Variants in ELMO1 observed in about 807,000 individuals in gnomAD.
The protein encoded by ELMO1 is engulfment and cell motility protein 1.
Under a neutral mutation model 98.9 loss-of-function variants are expected in ELMO1, and 26 were observed. The ratio of observed to expected loss-of-function variants is 0.26; its 90% CI spans 0.19 to 0.36. ELMO1 has a LOEUF of 0.36. Among genes scored for constraint, ELMO1 ranks in the 10% least tolerant of loss-of-function variants. ELMO1 has a pLI of 1.00. For missense variants in ELMO1, 627 were observed against 935.2 expected (o/e 0.67, Z 4.30); for synonymous variants, 346 against 346.0 (o/e 1.00, Z 0.00).
intron 1 of ELMO1, among the ~76,000 whole-genome samples, chr7:37,388,726 C>G (rs1051095257): frequency 6.6e-6 from 1 of 151,964 alleles, no homozygotes; most frequent in African/African-American, 2.4e-5. Context: ...TCTCTTGAGC[C>G]CAGGAGATAG....
At chr7:37,330,826 C>G (rs1583564304) in intron 2 of ELMO1, among the ~76,000 whole-genome samples, 1 of 152,234 alleles carries the variant, frequency 6.6e-6, no homozygotes, top group East Asian at 1.9e-4. Flanking sequence ...TTGGGTATAT[C>G]TGAAATGCCA....
intron 16 of ELMO1, among the ~76,000 whole-genome samples, chr7:36,928,124 A>C (rs1328435009): frequency 6.6e-6 from 1 of 152,234 alleles, no homozygotes. Context: ...TTTATTTGCC[A>C]CTTGTTAACC....
At chr7:37,313,221 C>T (rs539570932) in intron 4 of ELMO1, among the ~76,000 whole-genome samples, 1 of 110,558 alleles carries the variant, frequency 9.0e-6, no homozygotes, top group Non-Finnish European at 2.0e-5. Flanking sequence ...TAACTCCCAG[C>T]TTTGTTTTTT....
intron 16 of ELMO1, among the ~76,000 whole-genome samples, chr7:36,910,611 T>A (rs539094911): frequency 1.3e-5 from 2 of 152,202 alleles, no homozygotes; most frequent in African/African-American, 2.4e-5. Context: ...TTGCCATCTG[T>A]GTGTCCTTGG....
At chr7:37,010,550 C>T (rs1190344223) in intron 16 of ELMO1, among the ~76,000 whole-genome samples, 2 of 152,192 alleles carry the variant, frequency 1.3e-5, no homozygotes, top group African/African-American at 4.8e-5. Context: ...GCTGTCTTTG[C>T]TGGCTTTGAA....
chr7:37,029,132 G>T (rs1794742889), intron 15 of ELMO1, among the ~76,000 whole-genome samples: 1 of 152,126 alleles, frequency 6.6e-6, no homozygotes, highest in Non-Finnish European at 1.5e-5. Flanking sequence ...GCTTTCAGAG[G>T]TTGTGATCTT....
intron 1 of ELMO1, among the ~76,000 whole-genome samples, chr7:37,371,730 T>C (rs1802122398): frequency 6.6e-6 from 1 of 152,208 alleles, no homozygotes; most frequent in African/African-American, 2.4e-5. Context: ...TAGCACAAGA[T>C]AACAGCAGAC....
chr7:37,338,822 A>G (rs1032578128), intron 2 of ELMO1, among the ~76,000 whole-genome samples: 1 of 152,212 alleles, frequency 6.6e-6, no homozygotes, highest in Admixed American at 6.5e-5. Flanking sequence ...CAGTGAGTTG[A>G]TAATTCTTTT....
chr7:37,158,740 G>A (rs1317235043), intron 13 of ELMO1, among the ~76,000 whole-genome samples: 2 of 152,346 alleles, frequency 1.3e-5, no homozygotes, highest in East Asian at 3.9e-4. Flanking sequence ...GTGGAAGACA[G>A]TGTGGCGATT....
chr7:36,999,261 T>C (rs1466463430), intron 16 of ELMO1, among the ~76,000 whole-genome samples: 2 of 152,158 alleles, frequency 1.3e-5, no homozygotes, highest in Non-Finnish European at 2.9e-5. Context: ...ATTTCCCTCA[T>C]GGGAATGGCC....
intron 16 of ELMO1, among the ~76,000 whole-genome samples, chr7:36,957,448 C>T: frequency 6.6e-6 from 1 of 152,064 alleles, no homozygotes; most frequent in Non-Finnish European, 1.5e-5. Context: ...GGTCATGCCA[C>T]AATTCATTGA....
chr7:37,434,116 AAGAAAATCCCCCCAGTATTGGGAG>A (rs1805043480), intron 1 of ELMO1, among the ~76,000 whole-genome samples: 1 of 152,162 alleles, frequency 6.6e-6, no homozygotes, highest in Non-Finnish European at 1.5e-5. Context: ...GGTGCACTGA[AAGAAAATCCCCCCAGTATTGGGAG>A]AACAGATCCA....
rs76425456 is a variant in ELMO1 at position 37,225,329 on chromosome 7, T to G, written c.550-299A>C. Among the ~76,000 whole-genome samples, 362 of 152,330 alleles carry G rather than the reference T, an allele frequency of 2.4e-3. 1 individual carries two copies. Among genetic ancestry groups the G allele is most frequent in the Middle Eastern group, 0.02 (6 of 294 alleles). On this transcript the variant is annotated intron_variant, in intron 8 of 21. Coordinates refer to ENST00000310758, the MANE Select transcript of ELMO1 (RefSeq NM_014800.11). ...GGATTATTCTCCTGAGTTTCATCTTTTAGGGGCAGACAATTTCAACACATA... is the reference window on the plus strand; with the variant it reads ...GGATTATTCTCCTGAGTTTCATCTTGTAGGGGCAGACAATTTCAACACATA...
At chr7:37,030,351 C>T (rs1315485705) in intron 15 of ELMO1, among the ~76,000 whole-genome samples, 1 of 152,156 alleles carries the variant, frequency 6.6e-6, no homozygotes, top group South Asian at 2.1e-4. Flanking sequence ...ATACTTGAAA[C>T]TGTTTTTTTT....
At chr7:37,141,343 G>A (rs138740459) in intron 13 of ELMO1, among the ~76,000 whole-genome samples, 43 of 152,252 alleles carry the variant, frequency 2.8e-4, no homozygotes, top group Non-Finnish European at 5.7e-4. Context: ...TAAGAATGAC[G>A]CACTGGACTT....
chr7:37,337,689 T>C (rs1322602645), intron 2 of ELMO1, among the ~76,000 whole-genome samples: 1 of 152,162 alleles, frequency 6.6e-6, no homozygotes, highest in Non-Finnish European at 1.5e-5. Flanking sequence ...TGTGATGCCA[T>C]GCAAATATGT....
At chr7:37,030,174 C>T (rs1473742133) in intron 15 of ELMO1, among the ~76,000 whole-genome samples, 1 of 151,998 alleles carries the variant, frequency 6.6e-6, no homozygotes, top group Non-Finnish European at 1.5e-5. Flanking sequence ...TTAATGAAAA[C>T]CTAAGGATGA....
chr7:37,155,503 A>AATAAAAAAAAAAT (rs1554427527), intron 13 of ELMO1, among the ~76,000 whole-genome samples: 13 of 131,778 alleles, frequency 9.9e-5, no homozygotes, highest in South Asian at 7.3e-4. Context: ...AAAAAAAAAA[A>AATAAAAAAAAAAT]AAAAAGCAGG....
chr7:37,111,649 T>G (rs1055463119), intron 14 of ELMO1, among the ~76,000 whole-genome samples: 2 of 152,264 alleles, frequency 1.3e-5, no homozygotes, highest in Admixed American at 6.5e-5. Context: ...ACTTGACCTT[T>G]CTGAGCCTCA....
Sources: allele counts gnomAD v4.1 joint callset (sites outside exome capture counted in the v4.1 genomes callset), GRCh38; gene constraint gnomAD v4.1.1; transcripts MANE v1.5; gene names NCBI Gene and HGNC (gene_info 2026-07-23, HGNC 2026-07-21).